ANXA8: variants seen among roughly 807,000 people sequenced by gnomAD.
ANXA8 encodes the protein annexin A8.
A neutral mutation model predicts 26.8 loss-of-function variants in ANXA8; 9 were observed. The observed-to-expected ratio is 0.34, with a 90% CI of 0.20 to 0.59. The LOEUF is 0.59. ANXA8 is among the 20% of genes least tolerant of loss of function. The pLI, the probability that ANXA8 is intolerant of heterozygous loss-of-function variation, is 0.84. For missense variants in ANXA8, 83 were observed against 238.5 expected, an observed-to-expected ratio of 0.35 and a Z score of 4.29; for synonymous variants, 39 against 94.8, an observed-to-expected ratio of 0.41 and a Z score of 3.42.
chr10:47,568,031 T>C, the ANXA8 span: 1 of 742,466 alleles, frequency 1.3e-6, no homozygotes, highest in Non-Finnish European at 2.4e-6. Flanking sequence ...GTTTTTGTTT[T>C]TGTTTTTGTT....
chr10:47,679,767 A>T, the ANXA8 span, among the ~76,000 whole-genome samples: 2 of 151,822 alleles, frequency 1.3e-5, no homozygotes, highest in Non-Finnish European at 2.9e-5. Context: ...AAAAAAGTTT[A>T]AAAAGGCGGG....
At chr10:47,590,355 A>G in the ANXA8 span, 2 of 146,782 alleles carry the variant, frequency 1.4e-5, 1 homozygote, top group African/African-American at 5.5e-5. Flanking sequence ...ATCCACAGCC[A>G]AGGCCTGAAG....
At chr10:47,985,289 A>G in the ANXA8 span, among the ~76,000 whole-genome samples, 1 of 145,120 alleles carries the variant, frequency 6.9e-6, no homozygotes. Flanking sequence ...CAGTTGAAAT[A>G]AAAATATAAT....
chr10:47,743,287 T>C, the ANXA8 span, among the ~76,000 whole-genome samples: 4 of 79,970 alleles, frequency 5.0e-5, no homozygotes, highest in East Asian at 6.8e-4. Context: ...TACACACATA[T>C]ATATATACAC....
At chr10:47,923,764 G>T in the ANXA8 span, among the ~76,000 whole-genome samples, 2 of 47,820 alleles carry the variant, frequency 4.2e-5, no homozygotes, top group Non-Finnish European at 4.5e-5. Context: ...CAGCCTGCAA[G>T]TTCCTCTCCT....
the ANXA8 span, among the ~76,000 whole-genome samples, chr10:47,921,353 TG>T: frequency 6.6e-6 from 1 of 151,132 alleles, no homozygotes; most frequent in African/African-American, 2.4e-5. Flanking sequence ...AGCTCTATCT[TG>T]AAGGGAATGG....
At chr10:47,941,478 A>G in the ANXA8 span, among the ~76,000 whole-genome samples, 3 of 146,702 alleles carry the variant, frequency 2.0e-5, no homozygotes, top group South Asian at 4.3e-4. Flanking sequence ...AACATGGTGA[A>G]ACCCCGCCTC....
At chr10:47,950,769 A>C in the ANXA8 span, among the ~76,000 whole-genome samples, 1 of 151,136 alleles carries the variant, frequency 6.6e-6, no homozygotes, top group Admixed American at 6.6e-5. Context: ...ATATTTTAAA[A>C]TAATTTTTCC....
the ANXA8 span, among the ~76,000 whole-genome samples, chr10:47,894,973 A>G: frequency 2.0e-5 from 3 of 151,922 alleles, no homozygotes; most frequent in African/African-American, 4.8e-5. Flanking sequence ...CACCACACAT[A>G]CCACACACAC....
At chr10:47,567,497 C>T in the ANXA8 span, among the ~76,000 whole-genome samples, 9 of 147,082 alleles carry the variant, frequency 6.1e-5, no homozygotes, top group Admixed American at 4.7e-4. Context: ...GCCAGGGAGG[C>T]GCCCGCCCCA....
chr10:47,969,189 A>T, the ANXA8 span, among the ~76,000 whole-genome samples: 1 of 151,276 alleles, frequency 6.6e-6, no homozygotes, highest in Admixed American at 6.6e-5. Flanking sequence ...CTGCTCACTG[A>T]AGCCTCCATT....
the ANXA8 span, among the ~76,000 whole-genome samples, chr10:47,568,225 C>T: frequency 1.8e-5 from 1 of 55,116 alleles, no homozygotes; most frequent in African/African-American, 8.8e-5. Flanking sequence ...GGGGGTTTCA[C>T]CATGTTGGCC....
At chr10:47,637,425 A>C in the ANXA8 span, among the ~76,000 whole-genome samples, 1 of 150,208 alleles carries the variant, frequency 6.7e-6, no homozygotes, top group African/African-American at 2.5e-5. Flanking sequence ...GTAAACACAA[A>C]ATACTGTAAC....
At chr10:47,571,799 G>A in the ANXA8 span, among the ~76,000 whole-genome samples, 4 of 146,454 alleles carry the variant, frequency 2.7e-5, no homozygotes, top group East Asian at 8.0e-4. Context: ...AACTGCACCT[G>A]GCTAACTTTT....
At chr10:47,722,636 C>G in the ANXA8 span, among the ~76,000 whole-genome samples, 2 of 140,658 alleles carry the variant, frequency 1.4e-5, no homozygotes, top group East Asian at 5.7e-4. Flanking sequence ...AATGTTCTCA[C>G]AAAGTGGCAG....
chr10:47,702,671 T>C, the ANXA8 span, among the ~76,000 whole-genome samples: 1 of 151,900 alleles, frequency 6.6e-6, no homozygotes, highest in African/African-American at 2.4e-5. Context: ...TCTGGCTCTG[T>C]TGCCCAGGCT....
chr10:47,977,621 A>G, the ANXA8 span, among the ~76,000 whole-genome samples: 1 of 151,582 alleles, frequency 6.6e-6, no homozygotes, highest in South Asian at 2.1e-4. Flanking sequence ...AAAGAGATAG[A>G]AAATTATATA....
chr10:47,605,005 C>T, the ANXA8 span, among the ~76,000 whole-genome samples: 10 of 151,246 alleles, frequency 6.6e-5, 1 homozygote, highest in African/African-American at 1.7e-4. Context: ...TGCTTTATCA[C>T]GCATCCTAAA....
the ANXA8 span, among the ~76,000 whole-genome samples, chr10:47,683,137 A>G: frequency 5.3e-5 from 8 of 152,026 alleles, no homozygotes; most frequent in African/African-American, 1.7e-4. Flanking sequence ...GAGGAAAAAA[A>G]TCATCTTATA....
Sources: gnomAD v4.1 joint callset for allele counts (sites outside exome capture counted in the v4.1 genomes callset) on GRCh38, gnomAD v4.1.1 for gene constraint, MANE v1.5 for transcripts, NCBI Gene and HGNC (gene_info 2026-07-23, HGNC 2026-07-21) for gene names.